RPTOR: variants seen among roughly 807,000 people sequenced by gnomAD.
RPTOR encodes regulatory-associated protein of mTOR.
Under a neutral mutation model 169.9 loss-of-function variants are expected in RPTOR, and 21 were observed. The observed-to-expected ratio is 0.12, with a 90% CI of 0.09 to 0.18. RPTOR has a LOEUF of 0.18. Ranked by LOEUF, RPTOR falls within the 10% of genes least tolerant of loss-of-function variation. RPTOR has a pLI of 1.00. For synonymous variants in RPTOR, 732 were observed against 753.2 expected (o/e 0.97, Z 0.46); for missense variants, 1,133 against 1,855.9 (o/e 0.61, Z 7.16).
chr17:80,964,195 G>GGC, intron 33 of RPTOR, 67 bp from the exon 34 acceptor site: 9 of 1,105,614 alleles, frequency 8.1e-6, no homozygotes, highest in Non-Finnish European at 1.2e-5. Flanking sequence ...GTTGGCCTGC[G>GGC]CCCCCCCGCC....
chr17:80,867,929 A>G (rs2068011863), intron 13 of RPTOR, among the ~76,000 whole-genome samples: 2 of 152,242 alleles, frequency 1.3e-5, no homozygotes, highest in African/African-American at 4.8e-5. Flanking sequence ...CCACATGGAA[A>G]TACAAAGGAC....
Position 80,959,571 on chromosome 17 carries a change from G to A in RPTOR, c.3478-507G>A, listed in dbSNP as rs555581222. Reference sequence around the variant, plus strand: ...GGCAGGTGCCATCGCCCCCGCCCCCGCTTCTCCAGCACTTAGAGCCCCCGA... The same window carrying A: ...GGCAGGTGCCATCGCCCCCGCCCCCACTTCTCCAGCACTTAGAGCCCCCGA... On this transcript the variant is annotated intron_variant, in intron 29 of 33. Transcript: ENST00000306801. The surrounding 1 kb of genome is among the most constrained non-coding windows in gnomAD (Gnocchi z 6.7). Among the ~76,000 whole-genome samples, 399 of 152,218 alleles carry A rather than the reference G, an allele frequency of 2.6e-3. No homozygotes were observed. Among genetic ancestry groups the A allele is most frequent in the African/African-American group, 9.2e-3 (381 of 41,542 alleles).
rs796506197 is a variant in RPTOR at position 80,950,154 on chromosome 17, G to T, written c.3370+607G>T. 5.9e-5 allele frequency among the ~76,000 whole-genome samples: 9 copies of T among 152,334 alleles called. 1 individual carries two copies. Among genetic ancestry groups the T allele is most frequent in the African/African-American group, 2.2e-4 (9 of 41,584 alleles). On this transcript the variant is annotated intron_variant, in intron 28 of 33. Transcript: ENST00000306801. ...TCCCGGGGTCAGGCTTCTGGGTCTA[G>T]ATTTCCAGAGGCCCCTCTGCAGCAC...
chr17:80,771,665 G>A (rs2066844455), intron 6 of RPTOR, among the ~76,000 whole-genome samples: 1 of 140,502 alleles, frequency 7.1e-6, no homozygotes, highest in African/African-American at 2.6e-5. Flanking sequence ...CCTTAGGAAT[G>A]ACACAGGAAA....
intron 3 of RPTOR, among the ~76,000 whole-genome samples, chr17:80,660,307 T>C (rs1312867613): frequency 1.3e-5 from 2 of 150,810 alleles, no homozygotes; most frequent in Non-Finnish European, 3.0e-5. Flanking sequence ...ATGAGAAACA[T>C]GTCTGAGTAA....
intron 6 of RPTOR, among the ~76,000 whole-genome samples, chr17:80,771,115 T>G (rs2066838773): frequency 6.6e-6 from 1 of 152,178 alleles, no homozygotes; most frequent in Admixed American, 6.5e-5. Context: ...GGACACCCCC[T>G]TCAGCACCTC....
intron 3 of RPTOR, among the ~76,000 whole-genome samples, chr17:80,688,630 C>T (rs1052849664): frequency 6.6e-6 from 1 of 152,262 alleles, no homozygotes; most frequent in African/African-American, 2.4e-5. Flanking sequence ...GTGGGTTCCA[C>T]TGGCCTGACT....
chr17:80,764,064 G>A (rs964478208), intron 6 of RPTOR, among the ~76,000 whole-genome samples: 1 of 151,852 alleles, frequency 6.6e-6, no homozygotes, highest in African/African-American at 2.4e-5. Context: ...ATATAGCAGA[G>A]AAACCTAAAA....
chr17:80,712,431 T>C (rs1038041354), intron 4 of RPTOR, among the ~76,000 whole-genome samples: 1 of 152,184 alleles, frequency 6.6e-6, no homozygotes, highest in African/African-American at 2.4e-5. Context: ...TATGTAGCCT[T>C]TTCAGACAGG....
In RPTOR at chr17:80,845,148, C is replaced by T. The variant is rs1189954705; in HGVS notation, c.1213-1325C>T. Among the ~76,000 whole-genome samples, 4 of 152,200 alleles carry T rather than the reference C, an allele frequency of 2.6e-5. No homozygotes were observed. The highest frequency in any genetic ancestry group is 3.9e-4 in the East Asian group (2 of 5,158). The stretch of plus-strand genomic sequence containing the variant: ...CCCTGCAGCCTTCACGCTCTCCAGC[C>T]GCAGGCCCAGCAGCCCTGCTGCCCA... On this transcript the variant is annotated intron_variant, in intron 10 of 33. Transcript: ENST00000306801. This position sits in a 1 kb window ranked among gnomAD's most constrained non-coding sequence, Gnocchi z 5.4.
chr17:80,774,316 C>T (rs1206801706), intron 6 of RPTOR: 4 of 985,250 alleles, frequency 4.1e-6, no homozygotes, highest in East Asian at 2.3e-4. Context: ...AAGTGGAAGC[C>T]GCAATGTCAT....
At chr17:80,756,558 C>A (rs760664551) in intron 6 of RPTOR, among the ~76,000 whole-genome samples, 3 of 152,202 alleles carry the variant, frequency 2.0e-5, no homozygotes, top group African/African-American at 4.8e-5. Flanking sequence ...CTCCACCAGT[C>A]TTCCTGCAGC....
intron 6 of RPTOR, among the ~76,000 whole-genome samples, chr17:80,766,664 T>G (rs952924827): frequency 6.6e-6 from 1 of 152,242 alleles, no homozygotes; most frequent in African/African-American, 2.4e-5. Context: ...CACTGTACCC[T>G]TTCTTACTGC....
intron 4 of RPTOR, among the ~76,000 whole-genome samples, chr17:80,710,167 G>C (rs560250732): frequency 1.3e-5 from 2 of 152,008 alleles, no homozygotes; most frequent in Admixed American, 6.5e-5. Flanking sequence ...GCTAATTTTT[G>C]TATTTTTTGT....
intron 5 of RPTOR, among the ~76,000 whole-genome samples, chr17:80,752,866 T>G (rs890505208): frequency 1.3e-5 from 2 of 152,210 alleles, no homozygotes; most frequent in African/African-American, 4.8e-5. Context: ...TAGATTTCAT[T>G]TGGTAAAAAG....
chr17:80,596,089 T>C (rs1217131136), intron 1 of RPTOR, among the ~76,000 whole-genome samples: 1 of 152,236 alleles, frequency 6.6e-6, no homozygotes, highest in Non-Finnish European at 1.5e-5. Context: ...GAAATGCACG[T>C]TGGAAAACAT....
At chr17:80,846,631 G>A (rs1050880477) in intron 11 of RPTOR, 57 bp downstream of exon 11, 14 of 1,436,272 alleles carry the variant, frequency 9.7e-6, no homozygotes, top group Non-Finnish European at 1.4e-5. Flanking sequence ...GAAGCCAGAT[G>A]CCTGTACAGC....
chr17:80,712,355 C>T (rs2066201995), intron 4 of RPTOR, among the ~76,000 whole-genome samples: 1 of 152,060 alleles, frequency 6.6e-6, no homozygotes, highest in African/African-American at 2.4e-5. Flanking sequence ...CCTCTGTGCG[C>T]CCCCTCATCT....
intron 9 of RPTOR, among the ~76,000 whole-genome samples, chr17:80,826,830 T>A (rs569358780): frequency 6.6e-6 from 1 of 152,372 alleles, no homozygotes; most frequent in South Asian, 2.1e-4. Context: ...CAGCTAGAAC[T>A]CGCCCTGCTG....
Sources: allele counts gnomAD v4.1 joint callset (sites outside exome capture counted in the v4.1 genomes callset), GRCh38; gene constraint gnomAD v4.1.1; non-coding constraint Gnocchi (gnomAD v3.1); transcripts MANE v1.5; gene names NCBI Gene and HGNC (gene_info 2026-07-23, HGNC 2026-07-21).